LHCGR: variants seen among roughly 807,000 people sequenced by gnomAD.
The protein encoded by LHCGR is lutropin-choriogonadotropic hormone receptor.
In LHCGR, 55 loss-of-function variants were observed where a neutral mutation model predicts 60.7. That is an observed-to-expected ratio of 0.91 (90% CI 0.73 to 1.13). LHCGR has a LOEUF of 1.13. Ranked by LOEUF, LHCGR falls within the 50% of genes most tolerant of loss-of-function variation. The pLI is 0.00. For missense variants in LHCGR, 862 were observed against 836.0 expected (o/e 1.03, Z -0.38); for synonymous variants, 337 against 316.5 (o/e 1.06, Z -0.69).
intron 3 of LHCGR, 50 bp downstream of exon 3, chr2:48,729,103 A>G (rs757188750): frequency 7.3e-7 from 1 of 1,364,210 alleles, no homozygotes; most frequent in Non-Finnish European, 1.0e-6. Context: ...GGCTCCAGCC[A>G]GTGAGGGTAA....
At chr2:48,698,027 C>G (rs904061260) in intron 9 of LHCGR, among the ~76,000 whole-genome samples, 1 of 152,144 alleles carries the variant, frequency 6.6e-6, no homozygotes, top group Non-Finnish European at 1.5e-5. Flanking sequence ...ATTCTGCCAC[C>G]GTGTCCCCCA....
chr2:48,738,459 A>G (rs1399231274), intron 1 of LHCGR, among the ~76,000 whole-genome samples: 4 of 152,094 alleles, frequency 2.6e-5, no homozygotes, highest in African/African-American at 9.7e-5. Flanking sequence ...CTTTCCCCTG[A>G]CCAATCTAGA....
intron 6 of LHCGR, among the ~76,000 whole-genome samples, chr2:48,717,928 C>G (rs1668333890): frequency 7.4e-6 from 1 of 135,392 alleles, no homozygotes; most frequent in Non-Finnish European, 1.5e-5. Flanking sequence ...GCTCTTGTCT[C>G]TTTTCTTACC....
Position 48,731,147 on chromosome 2 carries a change from C to G in LHCGR, c.233+80G>C, listed in dbSNP as rs934219189. ...CAATTTCTTTCCTAGAAAAATTATC[C>G]CCTTTCAAATGTGTTTTCTCTTAGA... is the stretch of plus-strand genomic sequence containing the variant. On this transcript the variant is annotated intron_variant, in intron 2 of 10. Transcript: ENST00000294954. 1.5e-5 allele frequency: 14 copies of G among 916,056 alleles called. No individual in the cohort carries two copies. The African/African-American group carries it at 1.6e-4, about 11-fold the overall frequency. The allele number at this position is 916,056 out of a possible 1,614,324, so 56.7% of individuals were successfully genotyped here.
intron 9 of LHCGR, among the ~76,000 whole-genome samples, chr2:48,697,881 T>C (rs1366498394): frequency 6.6e-6 from 1 of 152,196 alleles, no homozygotes; most frequent in Non-Finnish European, 1.5e-5. Context: ...GCATATTACA[T>C]ATTAAAAAGT....
rs931393844 is a variant in LHCGR at position 48,695,225 on chromosome 2, G to A, written c.867-921C>T. On this transcript the variant is annotated intron_variant, in intron 9 of 10. Coordinates refer to ENST00000294954, the MANE Select transcript of LHCGR (RefSeq NM_000233.4). ...GTCAAATGCATAGTTTGTGAATATT[G>A]TTTCCCATCCTGTAGGTTGTCTGTT... 5.9e-5 allele frequency among the ~76,000 whole-genome samples: 9 copies of A among 151,942 alleles called. 1 individual carries two copies. The South Asian group carries it at 6.2e-4, about 10-fold the overall frequency.
At position 48,688,448 on chromosome 2, in the gene LHCGR, C is replaced by G. The variant is rs752660137; in HGVS notation, c.1349G>C (p.Ser450Thr). 1.2e-6 allele frequency: 2 copies of G among 1,614,166 alleles called. No individual in the cohort carries two copies. The highest frequency in any genetic ancestry group is 2.7e-5 in the African/African-American group (2 of 75,030). The change falls in exon 11 of 11, where the codon AGT becomes ACT. Residue 450 changes from serine to threonine, a missense_variant. Physicochemically the swap from Ser to Thr is moderately conservative, Grantham distance 58. Transcript: ENST00000294954. The surrounding 1 kb of genome is among the most constrained non-coding windows in gnomAD (Gnocchi z 5.2). ...STAGFFTVFA[S>T]ELSVYTLTVI... Reference sequence around the variant, plus strand: ...GGTGAGGGTGTAGACAGAAAGTTCACTTGCGAATACAGTGAAAAAGCCAGC... The same window carrying G: ...GGTGAGGGTGTAGACAGAAAGTTCAGTTGCGAATACAGTGAAAAAGCCAGC...
chr2:48,750,915 A>G (rs1669927712), intron 1 of LHCGR, among the ~76,000 whole-genome samples: 2 of 152,218 alleles, frequency 1.3e-5, no homozygotes, highest in Admixed American at 6.5e-5. Context: ...AACATTCTAC[A>G]AGGTTCAAAA....
chr2:48,697,750 G>A (rs760789419), intron 9 of LHCGR, among the ~76,000 whole-genome samples: 53 of 152,140 alleles, frequency 3.5e-4, no homozygotes, highest in South Asian at 6.2e-4. Flanking sequence ...TTAGGGCAGT[G>A]TTGTTCCAAC....
chr2:48,735,117 T>C (rs1246444104), intron 1 of LHCGR, among the ~76,000 whole-genome samples: 1 of 152,234 alleles, frequency 6.6e-6, no homozygotes, highest in African/African-American at 2.4e-5. Context: ...AATGCTTCAA[T>C]TGGATTACAA....
chr2:48,735,277 G>T (rs947588967), intron 1 of LHCGR, among the ~76,000 whole-genome samples: 3 of 152,188 alleles, frequency 2.0e-5, no homozygotes, highest in African/African-American at 7.2e-5. Context: ...CTAGTACTGG[G>T]ATCTTGTGAT....
At position 48,702,907 on chromosome 2, in the gene LHCGR, A is replaced by T. The variant is rs564454657; in HGVS notation, c.681-4107T>A. On this transcript the variant is annotated intron_variant, in intron 8 of 10. Transcript: ENST00000294954. ...CCACCAACAGTGTAAAAGTGTTCCT[A>T]TTCCTCCACATCCTCTCCAGCATCT... Among the ~76,000 whole-genome samples the T allele has an allele frequency of 2.6e-5, 4 of 152,322 alleles. No individual in the cohort carries two copies. In the South Asian group the frequency reaches 8.3e-4, roughly 32 times the overall value.
intron 1 of LHCGR, chr2:48,732,902 A>G (rs775128938): frequency 3.7e-6 from 2 of 534,590 alleles, no homozygotes; most frequent in East Asian, 5.4e-5. Context: ...GGCATTCCCA[A>G]GAAGGACATC....
chr2:48,748,688 A>C (rs1012400547), intron 1 of LHCGR, among the ~76,000 whole-genome samples: 21 of 152,322 alleles, frequency 1.4e-4, no homozygotes, highest in African/African-American at 4.6e-4. Context: ...GCATCATCAG[A>C]TTATTACAAT....
chr2:48,695,373 T>C (rs987259286), intron 9 of LHCGR, among the ~76,000 whole-genome samples: 2 of 152,170 alleles, frequency 1.3e-5, no homozygotes, highest in Non-Finnish European at 2.9e-5. Context: ...TTGCCAAGGC[T>C]GATGTCAAGA....
At chr2:48,725,398 C>T (rs1442299980) in intron 4 of LHCGR, among the ~76,000 whole-genome samples, 1 of 152,182 alleles carries the variant, frequency 6.6e-6, no homozygotes, top group Non-Finnish European at 1.5e-5. Context: ...ATCTCCCATA[C>T]CCATTGTCAA....
chr2:48,699,610 A>C (rs906349886), intron 8 of LHCGR, among the ~76,000 whole-genome samples: 6 of 152,218 alleles, frequency 3.9e-5, no homozygotes, highest in Non-Finnish European at 4.4e-5. Context: ...ACTTATTAAG[A>C]GCTTCTGTGT....
At chr2:48,696,952 C>T (rs1404057) in intron 9 of LHCGR, among the ~76,000 whole-genome samples, 130,473 of 152,184 alleles carry the variant, frequency 0.86, 56,172 homozygotes, top group East Asian at 1. Context: ...TTTGCTCACC[C>T]CCAAACCATC....
chr2:48,742,554 A>C (rs1363142036), intron 1 of LHCGR, among the ~76,000 whole-genome samples: 4 of 151,940 alleles, frequency 2.6e-5, no homozygotes, highest in Non-Finnish European at 5.9e-5. Context: ...AAAACCGCTC[A>C]ACTACATGGA....
Sources: gnomAD v4.1 joint callset for allele counts (sites outside exome capture counted in the v4.1 genomes callset) on GRCh38, gnomAD v4.1.1 for gene constraint, Gnocchi (gnomAD v3.1) non-coding constraint, MANE v1.5 for transcripts, NCBI Gene and HGNC (gene_info 2026-07-23, HGNC 2026-07-21) for gene names.